The following FMN1 variants were observed in gnomAD, a reference collection of about 807,000 sequenced individuals.
FMN1 encodes formin-1.
FMN1 carries 110 observed loss-of-function variants against 132.4 expected under a neutral mutation model. That is an observed-to-expected ratio of 0.83 (90% CI 0.71 to 0.97). The LOEUF is 0.97. FMN1 is among the 50% of genes least tolerant of loss of function. FMN1 has a pLI of 0.00. For missense variants in FMN1, 1,792 were observed against 1,705.3 expected (o/e 1.05, Z -0.90); for synonymous variants, 722 against 651.7 (o/e 1.11, Z -1.64).
rs921034893 is a variant in FMN1 at position 33,056,030 on chromosome 15, A to T, written c.2161+8927T>A. ...ACCAATTAAAACCAGAATGAGCTCA[A>T]ATTAGAAAAACCAAACACACCAAAT... On this transcript the variant is annotated intron_variant, in intron 6 of 20. Transcript: ENST00000616417. Among the ~76,000 whole-genome samples, 11 of 152,316 alleles carry T rather than the reference A, an allele frequency of 7.2e-5. No homozygotes were observed. The South Asian group carries it at 2.3e-3, about 32-fold the overall frequency.
At chr15:32,961,704 G>T (rs748508268) in intron 9 of FMN1, among the ~76,000 whole-genome samples, 17 of 152,052 alleles carry the variant, frequency 1.1e-4, no homozygotes, top group Non-Finnish European at 2.5e-4. Flanking sequence ...CTGATACATG[G>T]ATTACCCCAT....
chr15:33,028,347 C>T (rs2035777568), intron 6 of FMN1, among the ~76,000 whole-genome samples: 1 of 152,122 alleles, frequency 6.6e-6, no homozygotes, highest in South Asian at 2.1e-4. Context: ...TCACTCCAAG[C>T]TCTCTGCTAT....
chr15:33,055,178 C>T (rs994610069), intron 6 of FMN1, among the ~76,000 whole-genome samples: 1 of 152,210 alleles, frequency 6.6e-6, no homozygotes, highest in African/African-American at 2.4e-5. Flanking sequence ...GCTTCAACTG[C>T]ATGATAAAAC....
chr15:32,863,422 A>C (rs935185609), intron 16 of FMN1, among the ~76,000 whole-genome samples: 1 of 152,224 alleles, frequency 6.6e-6, no homozygotes. Context: ...CGACAGAGCG[A>C]GACTCCATCT....
intron 13 of FMN1, chr15:32,900,378 G>T: frequency 1.2e-5 from 7 of 603,646 alleles, no homozygotes; most frequent in South Asian, 7.3e-5. Context: ...ATTAACTATT[G>T]GTTTTATATT....
chr15:33,046,967 G>A (rs1432132000), intron 6 of FMN1, among the ~76,000 whole-genome samples: 4 of 152,158 alleles, frequency 2.6e-5, no homozygotes, highest in African/African-American at 7.2e-5. Context: ...AAGCCAGTCT[G>A]GCAAACTGGT....
chr15:32,994,225 C>G, intron 7 of FMN1, among the ~76,000 whole-genome samples: 1 of 88,592 alleles, frequency 1.1e-5, no homozygotes, highest in South Asian at 4.7e-4. Flanking sequence ...CTCTCTCTCT[C>G]TCTCTCTCAC....
Position 32,769,340 on chromosome 15 carries a change from A to C in FMN1, c.*4970T>G, listed in dbSNP as rs1049190856. ...CAACAAAGCATTGATCTGGAAGTTCAGTAGATTGCCCATTCCTTGGGAAGG... is the reference window on the plus strand; with the variant it reads ...CAACAAAGCATTGATCTGGAAGTTCCGTAGATTGCCCATTCCTTGGGAAGG... On this transcript the variant is annotated 3_prime_UTR_variant, in exon 21 of 21. Transcript: ENST00000616417. The C allele has an allele frequency of 6.6e-6, 1 of 152,228 alleles. No homozygotes were observed. The highest frequency in any genetic ancestry group is 1.5e-5 in the Non-Finnish European group (1 of 68,036). The allele number at this position is 152,228 out of a possible 1,614,324, so 9.4% of individuals were successfully genotyped here.
At chr15:32,969,826 C>G (rs1163851124) in intron 7 of FMN1, among the ~76,000 whole-genome samples, 1 of 152,166 alleles carries the variant, frequency 6.6e-6, no homozygotes, top group African/African-American at 2.4e-5. Context: ...GAATATCTAT[C>G]TGTTTTACAA....
chr15:32,826,967 AAGT>A (rs2058382107), intron 17 of FMN1, among the ~76,000 whole-genome samples: 3 of 152,372 alleles, frequency 2.0e-5, no homozygotes, highest in African/African-American at 7.2e-5. Flanking sequence ...TTCTGAAACT[AAGT>A]AGAACTACAG....
intron 4 of FMN1, among the ~76,000 whole-genome samples, chr15:33,138,513 TCTAACCTCTCAATGTG>T (rs1963870227): frequency 6.6e-6 from 1 of 152,124 alleles, no homozygotes; most frequent in Admixed American, 6.5e-5. Context: ...CTTCCTCTTG[TCTAACCTCTCAATGTG>T]GGCATACAGA....
Position 32,964,227 on chromosome 15 carries a change from G to A in FMN1, c.3018C>T (p.Ser1006=), listed in dbSNP as rs372474352. 23 of 1,610,372 alleles carry A rather than the reference G, an allele frequency of 1.4e-5. No homozygotes were observed. The highest frequency in any genetic ancestry group is 2.2e-5 in the East Asian group (1 of 44,852). ...SQNATPTLWD[S]LEEPDIRDPS... Reference sequence around the variant, plus strand: ...GGTCCCGAATGTCAGGTTCTTCTAAGGAGTCCCATAAGGTTGGTGTAGCAT... The same window carrying A: ...GGTCCCGAATGTCAGGTTCTTCTAAAGAGTCCCATAAGGTTGGTGTAGCAT... The change falls in exon 9 of 21, where the codon TCC becomes TCT. Residue 1006 remains serine (S), a synonymous_variant. Coordinates refer to ENST00000616417, the MANE Select transcript of FMN1 (RefSeq NM_001277313.2).
chr15:32,899,370 C>T (rs181551117), intron 14 of FMN1, among the ~76,000 whole-genome samples: 162 of 152,304 alleles, frequency 1.1e-3, no homozygotes, highest in African/African-American at 3.8e-3. Context: ...CAGGCCCTCC[C>T]ACAAGGCAGC....
intron 4 of FMN1, among the ~76,000 whole-genome samples, chr15:33,092,737 A>G (rs936795433): frequency 6.6e-6 from 1 of 152,210 alleles, no homozygotes; most frequent in Non-Finnish European, 1.5e-5. Context: ...TATTTGTTGA[A>G]ATAGTTGCCT....
chr15:33,088,753 G>A lies in FMN1; in HGVS notation c.2043+46C>T, dbSNP rs746081446. 3 of 1,473,774 alleles carry A rather than the reference G, an allele frequency of 2.0e-6. No individual in the cohort carries two copies. In the African/African-American group the frequency reaches 4.2e-5, roughly 21 times the overall value. The allele number at this position is 1,473,774 out of a possible 1,614,324, so 91.3% of individuals were successfully genotyped here. On this transcript the variant is annotated intron_variant, in intron 5 of 20. Coordinates refer to ENST00000616417, the MANE Select transcript of FMN1 (RefSeq NM_001277313.2). Reference sequence around the variant, plus strand: ...TTAAATACATATTAAATGAGCCTCTGTTGACCACAAAGAACCACAGCACAA... The same window carrying A: ...TTAAATACATATTAAATGAGCCTCTATTGACCACAAAGAACCACAGCACAA...
intron 2 of FMN1, among the ~76,000 whole-genome samples, chr15:33,184,127 T>A (rs1194253678): frequency 6.6e-6 from 1 of 152,206 alleles, no homozygotes; most frequent in Non-Finnish European, 1.5e-5. Context: ...GCATCTCTAT[T>A]CATTTTTATA....
At chr15:33,051,783 A>G (rs1019783132) in intron 6 of FMN1, among the ~76,000 whole-genome samples, 1 of 152,196 alleles carries the variant, frequency 6.6e-6, no homozygotes, top group Non-Finnish European at 1.5e-5. Context: ...GCCACTGCAC[A>G]TGCTGATAGC....
At chr15:33,133,643 T>C (rs913562816) in intron 4 of FMN1, among the ~76,000 whole-genome samples, 3 of 152,210 alleles carry the variant, frequency 2.0e-5, no homozygotes, top group African/African-American at 7.2e-5. Context: ...ACTGTAAGTA[T>C]GAATGCTTTC....
chr15:33,116,510 G>C (rs1463759990), intron 4 of FMN1, among the ~76,000 whole-genome samples: 1 of 152,106 alleles, frequency 6.6e-6, no homozygotes, highest in Non-Finnish European at 1.5e-5. Flanking sequence ...GCCTATTCTT[G>C]TTCTGGGGGC....
Sources: allele counts gnomAD v4.1 joint callset (sites outside exome capture counted in the v4.1 genomes callset), GRCh38; gene constraint gnomAD v4.1.1; transcripts MANE v1.5; gene names NCBI Gene and HGNC (gene_info 2026-07-23, HGNC 2026-07-21).